The following DACH1 variants were observed in gnomAD, a reference collection of about 807,000 sequenced individuals.
DACH1 encodes dachshund homolog 1.
Under a neutral mutation model 54.2 loss-of-function variants are expected in DACH1, and 12 were observed. That is an observed-to-expected ratio of 0.22 (90% CI 0.14 to 0.36). The LOEUF is 0.36. Ranked by LOEUF, DACH1 falls within the 10% of genes least tolerant of loss-of-function variation. DACH1 has a pLI of 1.00. For synonymous variants in DACH1, 386 were observed against 366.2 expected (o/e 1.05, Z -0.62); for missense variants, 805 against 929.8 (o/e 0.87, Z 1.75).
At chr13:71,512,438 A>T (rs1224457024) in intron 6 of DACH1, among the ~76,000 whole-genome samples, 3 of 151,984 alleles carry the variant, frequency 2.0e-5, no homozygotes, top group Non-Finnish European at 4.4e-5. Context: ...TAGAGATAAC[A>T]GGAAAACACA....
chr13:71,583,732 T>C (rs1165825029), intron 3 of DACH1, among the ~76,000 whole-genome samples: 2 of 152,068 alleles, frequency 1.3e-5, no homozygotes, highest in Non-Finnish European at 2.9e-5. Context: ...TCCCAGCTAC[T>C]TGGGAGGCAG....
In DACH1 at chr13:71,866,212, A is replaced by C; in HGVS notation, c.558T>G (p.Asn186Lys). Reference sequence around the variant, plus strand: ...CCCTCAGATCCACCATTTTGCACTCATTATTCTGAGGGGTGTTTTCCACTG... The same window carrying C: ...CCCTCAGATCCACCATTTTGCACTCCTTATTCTGAGGGGTGTTTTCCACTG... ...PSPVENTPQNNECKMVDLRGA... is the reference protein window; with the variant it reads ...PSPVENTPQNKECKMVDLRGA... Residue 186 changes from asparagine to lysine, a missense_variant, in exon 1 of 11, where the codon AAT (asparagine) becomes AAG (lysine). Physicochemically the swap from Asn to Lys is moderately conservative, Grantham distance 94. Around this residue, in one of 3 missense-constraint regions of DACH1, gnomAD observed 305 missense variants for 308.7 expected, o/e 0.99. Transcript: ENST00000613252. 6.2e-7 allele frequency: 1 copy of C among 1,612,186 alleles called. No homozygotes were observed. Among genetic ancestry groups the C allele is most frequent in the Non-Finnish European group, 8.5e-7 (1 of 1,179,230 alleles).
intron 3 of DACH1, among the ~76,000 whole-genome samples, chr13:71,628,227 T>C (rs1876811136): frequency 6.6e-6 from 1 of 152,032 alleles, no homozygotes; most frequent in Admixed American, 6.6e-5. Context: ...TGATCTTTGA[T>C]GCAGCTCAAC....
intron 6 of DACH1, among the ~76,000 whole-genome samples, chr13:71,509,151 T>C (rs1003258570): frequency 2.0e-5 from 3 of 152,128 alleles, no homozygotes; most frequent in Non-Finnish European, 4.4e-5. Flanking sequence ...ATAAAATATA[T>C]GATTTAATTG....
At chr13:71,622,741 A>T (rs529170793) in intron 3 of DACH1, among the ~76,000 whole-genome samples, 1 of 151,970 alleles carries the variant, frequency 6.6e-6, no homozygotes, top group Non-Finnish European at 1.5e-5. Flanking sequence ...TATATGATAC[A>T]TCCTATATAC....
intron 1 of DACH1, among the ~76,000 whole-genome samples, chr13:71,845,718 G>C (rs1157239719): frequency 6.6e-6 from 1 of 152,124 alleles, no homozygotes; most frequent in African/African-American, 2.4e-5. Context: ...GAAAGGACTG[G>C]AATTATAATA....
intron 6 of DACH1, among the ~76,000 whole-genome samples, chr13:71,520,763 G>T (rs570543691): frequency 6.6e-6 from 1 of 151,754 alleles, no homozygotes; most frequent in African/African-American, 2.4e-5. Context: ...GTATATGAAA[G>T]TACAAAGATC....
intron 3 of DACH1, among the ~76,000 whole-genome samples, chr13:71,595,140 T>A (rs913860714): frequency 2.0e-5 from 3 of 152,072 alleles, no homozygotes; most frequent in African/African-American, 7.2e-5. Flanking sequence ...GAAGAGGATC[T>A]CAAGAAGATG....
chr13:71,746,078 C>T (rs1175533545), intron 1 of DACH1, among the ~76,000 whole-genome samples: 17 of 151,964 alleles, frequency 1.1e-4, no homozygotes, highest in East Asian at 1.9e-4. Context: ...ATTAGCTGGG[C>T]GTGGTGGCAC....
chr13:71,574,789 G>C (rs1414966804), intron 3 of DACH1, among the ~76,000 whole-genome samples: 1 of 151,682 alleles, frequency 6.6e-6, no homozygotes, highest in Non-Finnish European at 1.5e-5. Context: ...GACAGCTTTT[G>C]GTTTAAAAAA....
intron 1 of DACH1, among the ~76,000 whole-genome samples, chr13:71,725,282 C>T (rs368602509): frequency 6.6e-5 from 10 of 152,072 alleles, no homozygotes; most frequent in Admixed American, 2.6e-4. Flanking sequence ...AATGAACCTA[C>T]GGATTCAGCT....
intron 6 of DACH1, among the ~76,000 whole-genome samples, chr13:71,528,425 CTTTTTTTTTTT>C: frequency 9.0e-6 from 1 of 111,124 alleles, no homozygotes; most frequent in East Asian, 2.7e-4. Context: ...AACAGATTTT[CTTTTTTTTTTT>C]TTTTTTTTTG....
At chr13:71,846,144 G>GCTTATGTAC (rs1418023015) in intron 1 of DACH1, 1 of 193,108 alleles carries the variant, frequency 5.2e-6, no homozygotes, top group African/African-American at 2.4e-5. Flanking sequence ...TACACAAAGC[G>GCTTATGTAC]AGAACAGCAC....
chr13:71,848,288 T>A (rs1041372957), intron 1 of DACH1, among the ~76,000 whole-genome samples: 1 of 152,192 alleles, frequency 6.6e-6, no homozygotes, highest in Non-Finnish European at 1.5e-5. Flanking sequence ...TTAACCATGT[T>A]AATCTGTCAT....
intron 6 of DACH1, among the ~76,000 whole-genome samples, chr13:71,522,957 C>A (rs1881709307): frequency 6.6e-6 from 1 of 152,042 alleles, no homozygotes; most frequent in Admixed American, 6.6e-5. Context: ...GTAAGGACAC[C>A]AAATCCTAAA....
At chr13:71,505,027 A>C (rs1203531768) in intron 6 of DACH1, among the ~76,000 whole-genome samples, 1 of 152,194 alleles carries the variant, frequency 6.6e-6, no homozygotes, top group East Asian at 1.9e-4. Flanking sequence ...TAACTTACTG[A>C]GAAATCGCAA....
chr13:71,545,110 A>C (rs994788140), intron 6 of DACH1, among the ~76,000 whole-genome samples: 2 of 152,092 alleles, frequency 1.3e-5, no homozygotes, highest in Non-Finnish European at 1.5e-5. Flanking sequence ...TTATAAAAAC[A>C]AACTTGCTTT....
chr13:71,532,079 T>C (rs1882455831), intron 6 of DACH1, among the ~76,000 whole-genome samples: 3 of 152,044 alleles, frequency 2.0e-5, no homozygotes, highest in South Asian at 4.1e-4. Context: ...CTAATGATAT[T>C]AGTGAACTAC....
chr13:71,455,484 G>A, intron 10 of DACH1, among the ~76,000 whole-genome samples: 1 of 152,074 alleles, frequency 6.6e-6, no homozygotes, highest in East Asian at 1.9e-4. Flanking sequence ...TTTCCTTAAA[G>A]AGCAATATTA....
Sources: gnomAD v4.1 joint callset for allele counts (sites outside exome capture counted in the v4.1 genomes callset) on GRCh38, gnomAD v4.1.1 for gene constraint, gnomAD v4.1.1 regional missense constraint, MANE v1.5 for transcripts, NCBI Gene and HGNC (gene_info 2026-07-23, HGNC 2026-07-21) for gene names.